ELL2: variants seen among roughly 807,000 people sequenced by gnomAD.
ELL2 encodes the protein elongation factor for RNA polymerase II 2, also known as RNA polymerase II elongation factor ELL2.
A neutral mutation model predicts 72.8 loss-of-function variants in ELL2; 21 were observed. The ratio of observed to expected loss-of-function variants is 0.29; its 90% confidence interval spans 0.20 to 0.42. The LOEUF (loss-of-function observed/expected upper bound fraction) is 0.42, where lower values mean the gene tolerates loss of function less well. ELL2 is among the 10% of genes least tolerant of loss of function. The pLI is 1.00. For synonymous variants in ELL2, 266 were observed against 283.2 expected (o/e 0.94, Z 0.61); for missense variants, 568 against 772.8 (o/e 0.73, Z 3.14).
At chr5:95,951,202 T>C (rs949398014) in intron 1 of ELL2, among the ~76,000 whole-genome samples, 1 of 151,296 alleles carries the variant, frequency 6.6e-6, no homozygotes, top group African/African-American at 2.4e-5. Flanking sequence ...ACCCTGTTTC[T>C]ACTAAAAATA....
Position 95,943,068 on chromosome 5 carries a change from GAAAC to G in ELL2, c.148-23_148-20del. 1 of 1,592,442 alleles carries G rather than the reference GAAAC, an allele frequency of 6.3e-7. No homozygotes were observed. Among genetic ancestry groups the G allele is most frequent in the Non-Finnish European group, 8.6e-7 (1 of 1,168,488 alleles). ...TTAAATTCTATTAAAAGAAACAAAA[GAAAC>G]AAACAGGTAAACCTTGGTTACTGTG... is the stretch of plus-strand genomic sequence containing the variant. On this transcript the variant is annotated intron_variant, in intron 1 of 11. Transcript: ENST00000237853.
At chr5:95,917,949 C>T (rs1749886878) in intron 3 of ELL2, among the ~76,000 whole-genome samples, 1 of 152,120 alleles carries the variant, frequency 6.6e-6, no homozygotes, top group African/African-American at 2.4e-5. Flanking sequence ...ACAAGCACCA[C>T]AATTAAAAAT....
intron 2 of ELL2, among the ~76,000 whole-genome samples, chr5:95,938,305 G>A (rs1411728158): frequency 6.6e-6 from 1 of 152,174 alleles, no homozygotes; most frequent in Non-Finnish European, 1.5e-5. Flanking sequence ...AACTTGTTTG[G>A]CTGGCTATTC....
At chr5:95,960,310 T>A (rs977876935) in intron 1 of ELL2, among the ~76,000 whole-genome samples, 2 of 151,484 alleles carry the variant, frequency 1.3e-5, no homozygotes, top group African/African-American at 4.9e-5. Flanking sequence ...ATATGGCATA[T>A]CCCTCCCTCA....
rs1748547059 is a variant in ELL2, at chr5:95,888,689, GA to G, written c.*181del. On this transcript the variant is annotated 3_prime_UTR_variant, in exon 12 of 12. Coordinates refer to ENST00000237853, the MANE Select transcript of ELL2 (RefSeq NM_012081.6). ...GGGGGTGGGGTGGTGGGGAGGACCA[GA>G]AAGAGCAGCTTCGAAATGCAGGGAA... 2.3e-6 allele frequency: 1 copy of G among 444,070 alleles called. No individual in the cohort carries two copies. The highest frequency in any genetic ancestry group is 2.1e-5 in the African/African-American group (1 of 48,698). 27.5% of individuals were successfully genotyped at this position (444,070 alleles called of 1,614,324 possible).
intron 2 of ELL2, among the ~76,000 whole-genome samples, chr5:95,927,589 GTA>G (rs372601614): frequency 3.8e-5 from 1 of 26,278 alleles, no homozygotes; most frequent in Non-Finnish European, 6.1e-5. Flanking sequence ...ACACACGTGT[GTA>G]TATAGACATA....
rs372627693 is a variant in ELL2 at position 95,943,819 on chromosome 5, G to T, written c.148-770C>A. ...TTGATAACTTCAATATTTTATCATA[G>T]AGTTGTGCATTTAGAAGAAAAGCTG... On this transcript the variant is annotated intron_variant, in intron 1 of 11. Coordinates refer to ENST00000237853, the MANE Select transcript of ELL2 (RefSeq NM_012081.6). 1.2e-3 allele frequency among the ~76,000 whole-genome samples: 187 copies of T among 152,142 alleles called. 7 individuals carry two copies. In the South Asian group the frequency reaches 0.034, roughly 28 times the overall value.
intron 1 of ELL2, among the ~76,000 whole-genome samples, chr5:95,944,324 T>A (rs1751076502): frequency 6.6e-6 from 1 of 152,234 alleles, no homozygotes; most frequent in African/African-American, 2.4e-5. Context: ...GAGAAAACAT[T>A]ATAATGGATA....
intron 2 of ELL2, among the ~76,000 whole-genome samples, chr5:95,938,659 C>T (rs1282559596): frequency 3.3e-5 from 5 of 152,074 alleles, no homozygotes; most frequent in Non-Finnish European, 7.4e-5. Flanking sequence ...GAGTTCAAGG[C>T]TGCAGTAAGC....
Position 95,906,481 on chromosome 5 carries a change from C to T in ELL2, c.741+42G>A, listed in dbSNP as rs181973300. ...AAGCTTTTTTAAATGAACATTTTAA[C>T]AAGAAGGTAAGCAGGAAGGACCTCT... On this transcript the variant is annotated intron_variant, in intron 5 of 11. Coordinates refer to ENST00000237853, the MANE Select transcript of ELL2 (RefSeq NM_012081.6). 265 of 1,521,412 alleles carry T rather than the reference C, an allele frequency of 1.7e-4. 3 individuals are homozygous for T. In the Middle Eastern group the frequency reaches 2.3e-3, roughly 13 times the overall value. 94.2% of individuals were successfully genotyped at this position (1,521,412 alleles called of 1,614,324 possible).
intron 1 of ELL2, among the ~76,000 whole-genome samples, chr5:95,960,171 CCT>C (rs1751765084): frequency 6.6e-6 from 1 of 151,962 alleles, no homozygotes; most frequent in African/African-American, 2.4e-5. Flanking sequence ...TCCTTCTGCC[CCT>C]CTGTCTGTTG....
At chr5:95,898,962 A>AAAACAAAC (rs3836903) in intron 7 of ELL2, 152 bp from the exon 8 acceptor site, 39 of 495,054 alleles carry the variant, frequency 7.9e-5, no homozygotes, top group African/African-American at 5.7e-4. Context: ...GCTTAAGCAA[A>AAAACAAAC]AAACAAACAA....
intron 5 of ELL2, among the ~76,000 whole-genome samples, chr5:95,904,896 C>T (rs542871034): frequency 6.6e-6 from 1 of 152,070 alleles, no homozygotes; most frequent in East Asian, 1.9e-4. Context: ...TAAATGAGAT[C>T]GTGCACGTGA....
intron 10 of ELL2, 139 bp downstream of exon 10, chr5:95,890,964 A>T: frequency 2.2e-6 from 2 of 929,834 alleles, no homozygotes; most frequent in Non-Finnish European, 3.4e-6. Flanking sequence ...TCAAATATTT[A>T]GTTTCCTAAA....
At position 95,913,938 on chromosome 5, in the gene ELL2, T is replaced by A; in HGVS notation, c.318-4A>T. The A allele has an allele frequency of 6.3e-7, 1 of 1,581,366 alleles. No homozygotes were observed. The highest frequency in any genetic ancestry group is 8.6e-7 in the Non-Finnish European group (1 of 1,166,232). ...ATTGAGCTGGGAGGCTCCAGAGCTGTCAAGTAAGTCAGTGGCTTTGTTAGA... is the reference window on the plus strand; with the variant it reads ...ATTGAGCTGGGAGGCTCCAGAGCTGACAAGTAAGTCAGTGGCTTTGTTAGA... On this transcript the variant is annotated splice_region_variant and splice_polypyrimidine_tract_variant and intron_variant, in intron 3 of 11. Coordinates refer to ENST00000237853, the MANE Select transcript of ELL2 (RefSeq NM_012081.6).
chr5:95,947,375 T>A (rs1751199789), intron 1 of ELL2, among the ~76,000 whole-genome samples: 1 of 152,226 alleles, frequency 6.6e-6, no homozygotes, highest in South Asian at 2.1e-4. Flanking sequence ...CAATCTTTTT[T>A]TACCTCACGC....
chr5:95,920,646 G>C (rs113310718), intron 2 of ELL2, among the ~76,000 whole-genome samples: 4 of 151,908 alleles, frequency 2.6e-5, no homozygotes, highest in African/African-American at 9.7e-5. Flanking sequence ...ATATGTAGTA[G>C]GGGCTCAAAA....
At chr5:95,917,632 C>T (rs115199672) in intron 3 of ELL2, among the ~76,000 whole-genome samples, 5,256 of 152,276 alleles carry the variant, frequency 0.035, 131 homozygotes, top group Non-Finnish European at 0.053. Context: ...TATACCCTTA[C>T]TACCTCATTT....
intron 1 of ELL2, among the ~76,000 whole-genome samples, chr5:95,957,060 G>A (rs1751652711): frequency 6.6e-6 from 1 of 152,148 alleles, no homozygotes; most frequent in African/African-American, 2.4e-5. Flanking sequence ...AACTATGCAA[G>A]ACTGTTTATG....
Sources: allele counts gnomAD v4.1 joint callset (sites outside exome capture counted in the v4.1 genomes callset), GRCh38; gene constraint gnomAD v4.1.1; transcripts MANE v1.5; gene names NCBI Gene and HGNC (gene_info 2026-07-23, HGNC 2026-07-21).